Variants in SGCZ observed in about 807,000 individuals in gnomAD.
SGCZ encodes sarcoglycan zeta.
Under a neutral mutation model 41.3 loss-of-function variants are expected in SGCZ, and 40 were observed. The ratio of observed to expected loss-of-function variants is 0.97; its 90% confidence interval spans 0.75 to 1.26. The LOEUF (loss-of-function observed/expected upper bound fraction) is 1.26, where lower values mean the gene tolerates loss of function less well. SGCZ is among the 50% of genes most tolerant of loss of function. The probability of loss-of-function intolerance (pLI) is 0.00; values close to 1 mark genes in which losing one functional copy is unlikely to be tolerated. For synonymous variants in SGCZ, 206 were observed against 137.5 expected (o/e 1.50, Z -3.49); for missense variants, 552 against 369.8 (o/e 1.49, Z -4.04).
intron 2 of SGCZ, among the ~76,000 whole-genome samples, chr8:14,484,686 G>C (rs1038585707): frequency 6.6e-6 from 1 of 152,082 alleles, no homozygotes; most frequent in Admixed American, 6.6e-5. Flanking sequence ...TTATATTTAA[G>C]CAAAAGAATT....
chr8:14,618,273 G>C (rs1292087901), intron 1 of SGCZ, among the ~76,000 whole-genome samples: 1 of 152,178 alleles, frequency 6.6e-6, no homozygotes, highest in Non-Finnish European at 1.5e-5. Flanking sequence ...GAAAGAAATA[G>C]AGCAGAATTA....
intron 5 of SGCZ, among the ~76,000 whole-genome samples, chr8:14,142,938 C>T (rs2116929251): frequency 6.6e-6 from 1 of 151,410 alleles, no homozygotes; most frequent in South Asian, 2.1e-4. Context: ...AAGCAGAAGC[C>T]AGTATGCTTC....
intron 1 of SGCZ, among the ~76,000 whole-genome samples, chr8:15,003,010 A>G (rs570866082): frequency 6.6e-6 from 1 of 152,212 alleles, no homozygotes; most frequent in Non-Finnish European, 1.5e-5. Context: ...GCCTGTCACC[A>G]TGTACAACGT....
chr8:14,575,942 AAGAG>A (rs199537069), intron 1 of SGCZ, among the ~76,000 whole-genome samples: 2,448 of 149,706 alleles, frequency 0.016, 81 homozygotes, highest in African/African-American at 0.057. Context: ...AAAAGAAAGA[AAGAG>A]AGAGAGAGAA....
chr8:14,310,837 C>T (rs1373719854), intron 3 of SGCZ, among the ~76,000 whole-genome samples: 12 of 152,096 alleles, frequency 7.9e-5, no homozygotes, highest in African/African-American at 2.2e-4. Flanking sequence ...ATAGAAAATT[C>T]GGAAAAACCA....
chr8:14,811,518 CTTTTTTTTTTTTTTTTT>C (rs71209087), intron 1 of SGCZ, among the ~76,000 whole-genome samples: 1 of 49,744 alleles, frequency 2.0e-5, no homozygotes, highest in Non-Finnish European at 3.6e-5. Flanking sequence ...GACACTGCAT[CTTTTTTTTTTTTTTTTT>C]TTTTTTTTTT....
chr8:14,211,641 A>G (rs1353054001), intron 4 of SGCZ, among the ~76,000 whole-genome samples: 1 of 148,056 alleles, frequency 6.8e-6, no homozygotes, highest in Non-Finnish European at 1.5e-5. Flanking sequence ...GTCTTACCAC[A>G]ATTAAGCAGG....
chr8:14,241,465 T>A (rs1314914478), intron 3 of SGCZ, among the ~76,000 whole-genome samples: 6 of 148,310 alleles, frequency 4.0e-5, no homozygotes, highest in Non-Finnish European at 5.9e-5. Context: ...TATAATAATA[T>A]ATATCCTATA....
chr8:14,154,499 A>C (rs2116960047), intron 5 of SGCZ, among the ~76,000 whole-genome samples: 1 of 152,322 alleles, frequency 6.6e-6, no homozygotes, highest in African/African-American at 2.4e-5. Context: ...ATTCTTTTGT[A>C]TTCTGAAACA....
chr8:14,588,029 T>G (rs1233058439), intron 1 of SGCZ, among the ~76,000 whole-genome samples: 2 of 152,136 alleles, frequency 1.3e-5, no homozygotes, highest in East Asian at 3.9e-4. Context: ...GCGATAATAT[T>G]AGAAATTTTT....
chr8:15,039,703 G>A (rs1804009649), intron 1 of SGCZ, among the ~76,000 whole-genome samples: 1 of 152,118 alleles, frequency 6.6e-6, no homozygotes, highest in African/African-American at 2.4e-5. Flanking sequence ...CACTGACTAT[G>A]ATATTTTTTA....
At chr8:14,429,244 T>A (rs2117330980) in intron 2 of SGCZ, among the ~76,000 whole-genome samples, 1 of 152,294 alleles carries the variant, frequency 6.6e-6, no homozygotes, top group African/African-American at 2.4e-5. Flanking sequence ...TAGGTTCTGT[T>A]AAAAGGAATT....
intron 2 of SGCZ, among the ~76,000 whole-genome samples, chr8:14,467,263 A>G (rs2116968497): frequency 6.6e-6 from 1 of 152,062 alleles, no homozygotes; most frequent in African/African-American, 2.4e-5. Context: ...AAAGTTTAAA[A>G]AAAGAGAAAA....
At chr8:14,743,818 T>A (rs1383042030) in intron 1 of SGCZ, among the ~76,000 whole-genome samples, 1 of 152,086 alleles carries the variant, frequency 6.6e-6, no homozygotes, top group Non-Finnish European at 1.5e-5. Flanking sequence ...ATTATCATGC[T>A]CATGTACTAA....
chr8:14,851,367 T>TAAA (rs1803315210), intron 1 of SGCZ, among the ~76,000 whole-genome samples: 1 of 9,800 alleles, frequency 1.0e-4, no homozygotes, highest in African/African-American at 7.7e-4. Flanking sequence ...AGACTCCATC[T>TAAA]CAAAAAAAAA....
chr8:14,514,779 G>A (rs1802565960), intron 2 of SGCZ, among the ~76,000 whole-genome samples: 1 of 52,508 alleles, frequency 1.9e-5, no homozygotes, highest in Non-Finnish European at 3.2e-5. Flanking sequence ...ATACATATAT[G>A]TAAATGTGTG....
At position 14,151,033 on chromosome 8, in the gene SGCZ, G is replaced by C. The variant is rs116455835; in HGVS notation, c.547+13547C>G. On this transcript the variant is annotated intron_variant, in intron 5 of 7. Transcript: ENST00000382080. ...ATTACCAGACGCTGGGAATGGTAGT[G>C]GGGATGCGTCAGGTGAGGTGGGAAT... Among the ~76,000 whole-genome samples, 635 of 152,238 alleles carry C rather than the reference G, an allele frequency of 4.2e-3. 7 individuals carry two copies. Among genetic ancestry groups the C allele is most frequent in the African/African-American group, 0.015 (625 of 41,574 alleles).
At chr8:14,528,251 A>G (rs1803013929) in intron 2 of SGCZ, among the ~76,000 whole-genome samples, 1 of 152,168 alleles carries the variant, frequency 6.6e-6, no homozygotes, top group African/African-American at 2.4e-5. Flanking sequence ...GAAAGAAGGC[A>G]GTATCAATTT....
intron 1 of SGCZ, among the ~76,000 whole-genome samples, chr8:14,733,881 T>C (rs1451693020): frequency 2.0e-5 from 3 of 152,166 alleles, no homozygotes; most frequent in African/African-American, 7.2e-5. Context: ...CGTATACCCA[T>C]GAATATCTTA....
Sources: gnomAD v4.1 joint callset for allele counts (sites outside exome capture counted in the v4.1 genomes callset) on GRCh38, gnomAD v4.1.1 for gene constraint, MANE v1.5 for transcripts, NCBI Gene and HGNC (gene_info 2026-07-23, HGNC 2026-07-21) for gene names.